PLA2G7: variants seen among roughly 807,000 people sequenced by gnomAD.
PLA2G7 encodes phospholipase A2 group VII.
PLA2G7 carries 63 observed loss-of-function variants against 49.6 expected under a neutral mutation model. That is an observed-to-expected ratio of 1.27 (90% CI 1.04 to 1.57). The LOEUF is 1.57. Among genes scored for constraint, PLA2G7 ranks in the 40% most tolerant of loss-of-function variants. The probability of loss-of-function intolerance (pLI) is 0.00; values close to 1 mark genes in which losing one functional copy is unlikely to be tolerated. For synonymous variants in PLA2G7, 193 were observed against 169.9 expected (o/e 1.14, Z -1.06); for missense variants, 596 against 521.2 (o/e 1.14, Z -1.40).
intron 4 of PLA2G7, among the ~76,000 whole-genome samples, chr6:46,715,497 A>G (rs1765174215): frequency 6.6e-6 from 1 of 152,246 alleles, no homozygotes; most frequent in Non-Finnish European, 1.5e-5. Context: ...GCAATCCATC[A>G]CATAGTAAGG....
In PLA2G7 at chr6:46,716,545, T is replaced by G. The variant is rs766537476; in HGVS notation, c.232-17A>C. The G allele has an allele frequency of 1.2e-6, 2 of 1,612,288 alleles. No homozygotes were observed. Among genetic ancestry groups the G allele is most frequent in the East Asian group, 4.5e-5 (2 of 44,844 alleles). On this transcript the variant is annotated splice_polypyrimidine_tract_variant and intron_variant, in intron 3 of 11. Coordinates refer to ENST00000274793, the MANE Select transcript of PLA2G7 (RefSeq NM_005084.4). ...GAAGGTGCCCTGTTAAGAAAGAAAT[T>G]AATGCACTTTTAGAGAAGTTGTGTC...
Position 46,712,336 on chromosome 6 carries a change from T to C in PLA2G7, c.472A>G (p.Thr158Ala), listed in dbSNP as rs1184224661. 3 of 1,609,732 alleles carry C rather than the reference T, an allele frequency of 1.9e-6. No individual in the cohort carries two copies. In the African/African-American group the frequency reaches 4.0e-5, roughly 22 times the overall value. ...TCAATGCCAATAGCAGAATAAAGTG[T>C]CCTTCAAAACAAAAAGAGGGAAGAA... The part of the protein sequence containing the change: ...VFSHGLGAFR[T>A]LYSAIGIDLA... The change falls in exon 6 of 12, where the codon ACA (threonine) becomes GCA (alanine). Residue 158 changes from threonine to alanine, a missense_variant and splice_region_variant. By Grantham distance (58) the Thr-to-Ala change is moderately conservative. Coordinates refer to ENST00000274793, the MANE Select transcript of PLA2G7 (RefSeq NM_005084.4).
At position 46,708,024 on chromosome 6, in the gene PLA2G7, G is replaced by A. The variant is rs1764886000; in HGVS notation, c.1007C>T (p.Ser336Leu). 1.3e-6 allele frequency: 2 copies of A among 1,583,228 alleles called. No homozygotes were observed. The highest frequency in any genetic ancestry group is 1.7e-6 in the Non-Finnish European group (2 of 1,152,454). The change falls in exon 10 of 12, where the codon TCA becomes TTA. Residue 336 changes from serine to leucine, a missense_variant. Physicochemically the swap from Ser to Leu is moderately radical, Grantham distance 145. Coordinates refer to ENST00000274793, the MANE Select transcript of PLA2G7 (RefSeq NM_005084.4). ...ANIIKMKKCY[S>L]PDKERKMITI... ...AATCATCTTTCTTTCTTTATCAGGT[G>A]AGTAGCATTTTTTCATTTTTATGAT...
At chr6:46,713,902 T>C (rs1358154677) in intron 5 of PLA2G7, among the ~76,000 whole-genome samples, 3 of 152,210 alleles carry the variant, frequency 2.0e-5, no homozygotes, top group African/African-American at 4.8e-5. Flanking sequence ...TCCTATGAGA[T>C]ACAGGACTCT....
At chr6:46,714,780 G>A (rs1765147039) in intron 4 of PLA2G7, among the ~76,000 whole-genome samples, 1 of 145,526 alleles carries the variant, frequency 6.9e-6, no homozygotes, top group Admixed American at 7.0e-5. Context: ...TTGTTGCCCA[G>A]GCTGGAGTGC....
At chr6:46,717,313 T>G (rs570140963) in intron 2 of PLA2G7, among the ~76,000 whole-genome samples, 1 of 152,168 alleles carries the variant, frequency 6.6e-6, no homozygotes, top group African/African-American at 2.4e-5. Context: ...GACATAGCCT[T>G]TCTCTCAAGC....
chr6:46,722,577 T>C (rs1765434702), intron 2 of PLA2G7, among the ~76,000 whole-genome samples: 1 of 152,178 alleles, frequency 6.6e-6, no homozygotes, highest in South Asian at 2.1e-4. Flanking sequence ...CCTGCAGTCC[T>C]GATACTGAAG....
At chr6:46,712,860 C>T (rs1243455923) in intron 5 of PLA2G7, among the ~76,000 whole-genome samples, 1 of 152,148 alleles carries the variant, frequency 6.6e-6, no homozygotes, top group Non-Finnish European at 1.5e-5. Context: ...TATAGGAAAG[C>T]AGTACAGTAT....
chr6:46,713,005 A>G (rs561527848), intron 5 of PLA2G7, among the ~76,000 whole-genome samples: 15 of 152,348 alleles, frequency 9.8e-5, no homozygotes, highest in African/African-American at 2.9e-4. Flanking sequence ...TGGTGACACT[A>G]TAATAGTATG....
chr6:46,724,463 A>C lies in PLA2G7; in HGVS notation c.-34-1538T>G, dbSNP rs901629420. 2.0e-5 allele frequency among the ~76,000 whole-genome samples: 3 copies of C among 152,220 alleles called. No homozygotes were observed. The South Asian group carries it at 6.2e-4, about 32-fold the overall frequency. Reference sequence around the variant, plus strand: ...GGTGTCCCACTGACACTAATGAAGCACTCGTTAGTATAGCTATTTTGCGGG... The same window carrying C: ...GGTGTCCCACTGACACTAATGAAGCCCTCGTTAGTATAGCTATTTTGCGGG... On this transcript the variant is annotated intron_variant, in intron 1 of 11. Transcript: ENST00000274793.
chr6:46,727,070 A>G (rs564873546), intron 1 of PLA2G7, among the ~76,000 whole-genome samples: 1 of 152,236 alleles, frequency 6.6e-6, no homozygotes, highest in East Asian at 1.9e-4. Context: ...AAGACTTTCA[A>G]TGAGCACTCA....
intron 1 of PLA2G7, among the ~76,000 whole-genome samples, chr6:46,723,909 T>TC (rs1765486131): frequency 6.6e-6 from 1 of 152,114 alleles, no homozygotes; most frequent in Non-Finnish European, 1.5e-5. Flanking sequence ...TCCCAATCCT[T>TC]CCCCTAGCCC....
intron 1 of PLA2G7, 61 bp from the exon 2 acceptor site, chr6:46,722,986 G>A (rs1765449212): frequency 1.4e-6 from 1 of 733,536 alleles, no homozygotes; most frequent in Non-Finnish European, 2.5e-6. Flanking sequence ...TAAATAAGCT[G>A]ACAAATCAAG....
chr6:46,734,848 AAGAG>A lies in PLA2G7; in HGVS notation c.-35+328_-35+331del, dbSNP rs368328200. 1.6e-3 allele frequency among the ~76,000 whole-genome samples: 238 copies of A among 145,252 alleles called. 1 individual carries two copies. The highest frequency in any genetic ancestry group is 5.7e-3 in the African/African-American group (227 of 39,542). On this transcript the variant is annotated intron_variant, in intron 1 of 11. Transcript: ENST00000274793. ...AAAGAAAGAAAGAAGGAACGAAAGAAAGAGAGAGAGAGAGAAAAAAAAGAAAAGA... is the reference window on the plus strand; with the variant it reads ...AAAGAAAGAAAGAAGGAACGAAAGAAAGAGAGAGAGAAAAAAAAGAAAAGA...
At chr6:46,728,492 T>A (rs1765636539) in intron 1 of PLA2G7, among the ~76,000 whole-genome samples, 1 of 152,214 alleles carries the variant, frequency 6.6e-6, no homozygotes, top group Non-Finnish European at 1.5e-5. Flanking sequence ...AAGAAATATT[T>A]ATTTCATTCT....
At chr6:46,719,951 C>T (rs989989422) in intron 2 of PLA2G7, among the ~76,000 whole-genome samples, 1 of 152,190 alleles carries the variant, frequency 6.6e-6, no homozygotes, top group African/African-American at 2.4e-5. Context: ...GGTGAACTTT[C>T]AGGGTCTATT....
intron 6 of PLA2G7, 85 bp from the exon 7 acceptor site, chr6:46,711,704 A>G (rs1765030107): frequency 1.0e-5 from 14 of 1,348,340 alleles, no homozygotes; most frequent in South Asian, 2.3e-5. Flanking sequence ...CCTTGACTCA[A>G]CTTCCTCTGA....
intron 10 of PLA2G7, among the ~76,000 whole-genome samples, chr6:46,707,210 G>A (rs1420640855): frequency 2.6e-5 from 4 of 152,096 alleles, no homozygotes; most frequent in Non-Finnish European, 1.5e-5. Context: ...TATATTGCAG[G>A]TCTCAGTCGA....
At chr6:46,711,728 C>G (rs1226923601) in intron 6 of PLA2G7, 109 bp from the exon 7 acceptor site, 1 of 1,083,196 alleles carries the variant, frequency 9.2e-7, no homozygotes, top group Non-Finnish European at 1.4e-6. Flanking sequence ...TTTGACTTCC[C>G]TTTCTTCTTC....
Sources: gnomAD v4.1 joint callset for allele counts (sites outside exome capture counted in the v4.1 genomes callset) on GRCh38, gnomAD v4.1.1 for gene constraint, MANE v1.5 for transcripts, NCBI Gene and HGNC (gene_info 2026-07-23, HGNC 2026-07-21) for gene names.